Variants in GNE observed in about 807,000 individuals in gnomAD.
The protein encoded by GNE is glucosamine (UDP-N-acetyl)-2-epimerase/N-acetylmannosamine kinase, also known as bifunctional UDP-N-acetylglucosamine 2-epimerase/N-acetylmannosamine kinase.
GNE carries 41 observed loss-of-function variants against 61.8 expected under a neutral mutation model. The observed-to-expected ratio is 0.66, with a 90% CI of 0.52 to 0.86. GNE has a LOEUF of 0.86. Ranked by LOEUF, GNE falls within the 40% of genes least tolerant of loss-of-function variation. The pLI, the probability that GNE is intolerant of heterozygous loss-of-function variation, is 0.00. For missense variants in GNE, 608 were observed against 909.1 expected, an observed-to-expected ratio of 0.67 and a Z score of 4.26; for synonymous variants, 264 against 326.4, an observed-to-expected ratio of 0.81 and a Z score of 2.06.
intron 1 of GNE, among the ~76,000 whole-genome samples, chr9:36,272,742 T>C (rs1249221485): frequency 6.8e-6 from 1 of 147,168 alleles, no homozygotes; most frequent in Non-Finnish European, 1.5e-5. Flanking sequence ...GTGGTAATAA[T>C]GGAAATAGAG....
chr9:36,222,375 C>G (rs1000551297), intron 9 of GNE, among the ~76,000 whole-genome samples: 3 of 149,110 alleles, frequency 2.0e-5, no homozygotes, highest in African/African-American at 7.4e-5. Context: ...GCCGAGATCC[C>G]GCCACTGCAC....
intron 1 of GNE, among the ~76,000 whole-genome samples, chr9:36,273,521 T>G (rs1831124221): frequency 6.6e-6 from 1 of 151,980 alleles, no homozygotes; most frequent in South Asian, 2.1e-4. Context: ...CTGGCCACAC[T>G]CCATAAACTT....
intron 7 of GNE, among the ~76,000 whole-genome samples, chr9:36,225,180 A>T (rs1487028314): frequency 6.6e-6 from 1 of 152,148 alleles, no homozygotes; most frequent in African/African-American, 2.4e-5. Context: ...AAAGTTTTAG[A>T]ATTTTCTTTA....
intron 7 of GNE, among the ~76,000 whole-genome samples, chr9:36,225,703 G>A (rs1168246841): frequency 6.6e-6 from 1 of 152,214 alleles, no homozygotes; most frequent in South Asian, 2.1e-4. Flanking sequence ...TTATACTTGG[G>A]AGGCTGAGGC....
intron 2 of GNE, 77 bp downstream of exon 2, chr9:36,249,115 G>T: frequency 8.9e-7 from 1 of 1,119,220 alleles, no homozygotes; most frequent in Non-Finnish European, 1.4e-6. Context: ...TTTGAAGCTG[G>T]GCCCATATGG....
At chr9:36,276,541 T>TA (rs1228304240) in intron 1 of GNE, among the ~76,000 whole-genome samples, 1 of 152,198 alleles carries the variant, frequency 6.6e-6, no homozygotes, top group Non-Finnish European at 1.5e-5. Flanking sequence ...ACAAAATAGT[T>TA]AAACTTTGCA....
At chr9:36,257,097 G>C (rs1252511664) in intron 1 of GNE, among the ~76,000 whole-genome samples, 1 of 152,090 alleles carries the variant, frequency 6.6e-6, no homozygotes, top group Non-Finnish European at 1.5e-5. Flanking sequence ...CCAGCTACTT[G>C]GGAGGCTGAG....
At chr9:36,234,457 C>G (rs1235975656) in intron 4 of GNE, among the ~76,000 whole-genome samples, 1 of 152,082 alleles carries the variant, frequency 6.6e-6, no homozygotes, top group Non-Finnish European at 1.5e-5. Flanking sequence ...CAGCCTGTAT[C>G]TCTTAACCTG....
In GNE at chr9:36,225,822, T is replaced by C. The variant is rs373926631; in HGVS notation, c.1281+1426A>G. The stretch of plus-strand genomic sequence containing the variant: ...TAAGAGAATAAAAAATCTAGAGTAG[T>C]GCTTCTCAATCTTCGCTGTGCATCA... On this transcript the variant is annotated intron_variant, in intron 7 of 11. Transcript: ENST00000642385. Among the ~76,000 whole-genome samples, 12 of 152,308 alleles carry C rather than the reference T, an allele frequency of 7.9e-5. No individual in the cohort carries two copies. The East Asian group carries it at 1.9e-3, about 24-fold the overall frequency.
chr9:36,258,749 T>C (rs1830506451), upstream of GNE, among the ~76,000 whole-genome samples: 1 of 152,214 alleles, frequency 6.6e-6, no homozygotes, highest in South Asian at 2.1e-4. Flanking sequence ...GTCTTCCCGC[T>C]GGGTAGTTGT....
At chr9:36,238,550 T>C (rs1587322988) in intron 3 of GNE, among the ~76,000 whole-genome samples, 2 of 152,380 alleles carry the variant, frequency 1.3e-5, no homozygotes, top group African/African-American at 4.8e-5. Context: ...ATATTTTCTT[T>C]TGAGAATTGT....
rs1057517094 is a variant in GNE, at chr9:36,236,964, C to CT, written c.636dup (p.Asp213ArgfsTer13). The CT allele has an allele frequency of 2.5e-6, 4 of 1,611,366 alleles. No individual in the cohort carries two copies. Among genetic ancestry groups the CT allele is most frequent in the Non-Finnish European group, 3.4e-6 (4 of 1,177,728 alleles). On this transcript the variant is annotated frameshift_variant, in exon 4 of 12. Coordinates refer to ENST00000642385, the MANE Select transcript of GNE (RefSeq NM_005476.7). LOFTEE classifies it high-confidence loss of function. The stretch of plus-strand genomic sequence containing the variant: ...GGGTGCTGTAGTGCAACAATGTAAT[C>CT]TTTAGATTTTACATCATCACCTGTT...
intron 1 of GNE, among the ~76,000 whole-genome samples, chr9:36,275,011 A>C (rs1452475863): frequency 2.0e-5 from 3 of 152,204 alleles, no homozygotes; most frequent in Non-Finnish European, 4.4e-5. Flanking sequence ...GGCGCGAGCC[A>C]CCGCACCCGG....
chr9:36,233,375 AAACCACTTAGGCT>A (rs1486135134), intron 5 of GNE, among the ~76,000 whole-genome samples: 1 of 152,202 alleles, frequency 6.6e-6, no homozygotes, highest in East Asian at 1.9e-4. Flanking sequence ...CCATAATTAA[AAACCACTTAGGCT>A]GGGCGCGGTG....
At position 36,227,445 on chromosome 9, in the gene GNE, CAT is replaced by C. The variant is rs1197553826; in HGVS notation, c.1082_1083del (p.Tyr361TrpfsTer40). On this transcript the variant is annotated frameshift_variant, in exon 7 of 12. Transcript: ENST00000642385. LOFTEE classifies it high-confidence loss of function. ...ATCCTTGGAACAGCATTTCCATCCC[CAT>C]ATATCTTTGAACTGCAATATACAAA... Reference protein sequence around the residue: ...FGKQYPCSKIYGDGNAVPRIL... With the variant: ...FGKQYPCSKIXGDGNAVPRIL... 1 of 1,605,248 alleles carries C rather than the reference CAT, an allele frequency of 6.2e-7. No homozygotes were observed. Among genetic ancestry groups the C allele is most frequent in the Non-Finnish European group, 8.5e-7 (1 of 1,171,962 alleles).
chr9:36,267,832 G>C (rs1563961249), intron 1 of GNE: 1 of 151,682 alleles, frequency 6.6e-6, no homozygotes, highest in Non-Finnish European at 1.5e-5. Context: ...TCCAAGGTGC[G>C]ATTATTGCTA....
In GNE at chr9:36,219,884, G is replaced by T. The variant is rs111302956; in HGVS notation, c.1770C>A (p.Tyr590Ter). ...SCGSHGCIEAYASGMALQREA... is the reference protein window; with the variant it reads ...SCGSHGCIEA Reference sequence around the variant, plus strand: ...CCCTCTGCAAGGCCATTCCAGAGGCGTATGCTTCAATGCACCCATGGCTTC... The same window carrying T: ...CCCTCTGCAAGGCCATTCCAGAGGCTTATGCTTCAATGCACCCATGGCTTC... Residue 590 changes from tyrosine (Y) to a stop codon, truncating the protein, a stop_gained, in exon 10 of 12, where the codon TAC (tyrosine) becomes TAA (stop). Transcript: ENST00000642385. LOFTEE classifies it high-confidence loss of function. The T allele has an allele frequency of 1.2e-6, 2 of 1,614,082 alleles. No homozygotes were observed. The highest frequency in any genetic ancestry group is 1.7e-6 in the Non-Finnish European group (2 of 1,179,992).
chr9:36,236,709 C>T, intron 4 of GNE, 123 bp downstream of exon 4: 1 of 855,986 alleles, frequency 1.2e-6, no homozygotes, highest in Non-Finnish European at 1.9e-6. Flanking sequence ...AATTGGAATG[C>T]ATTTCAGAAT....
chr9:36,235,163 G>A (rs1587315631), intron 4 of GNE, among the ~76,000 whole-genome samples: 1 of 152,174 alleles, frequency 6.6e-6, no homozygotes, highest in South Asian at 2.1e-4. Context: ...TGCTCAAAAA[G>A]TTTGAGATTT....
Sources: gnomAD v4.1 joint callset for allele counts (sites outside exome capture counted in the v4.1 genomes callset) on GRCh38, gnomAD v4.1.1 for gene constraint, MANE v1.5 for transcripts, NCBI Gene and HGNC (gene_info 2026-07-23, HGNC 2026-07-21) for gene names.